SLC25A4: variants seen among roughly 807,000 people sequenced by gnomAD.
SLC25A4 encodes solute carrier family 25 member 4, also known as ADP/ATP translocase 1.
Under a neutral mutation model 24.7 loss-of-function variants are expected in SLC25A4, and 10 were observed. The ratio of observed to expected loss-of-function variants is 0.41; its 90% confidence interval spans 0.25 to 0.69. SLC25A4 has a LOEUF of 0.69. Among genes scored for constraint, SLC25A4 ranks in the 30% least tolerant of loss-of-function variants. The pLI is 0.35. For synonymous variants in SLC25A4, 125 were observed against 153.3 expected (o/e 0.82, Z 1.36); for missense variants, 273 against 387.6 (o/e 0.70, Z 2.48).
At position 185,147,106 on chromosome 4, in the gene SLC25A4, C is replaced by G. The variant is rs1000660709; in HGVS notation, c.*135C>G. On this transcript the variant is annotated 3_prime_UTR_variant, in exon 4 of 4. Coordinates refer to ENST00000281456, the MANE Select transcript of SLC25A4 (RefSeq NM_001151.4). Reference sequence around the variant, plus strand: ...TAAAACCAGACTGAAAGGAATACCTCAGAAGAGATGCTTCATTGAGTGTTC... The same window carrying G: ...TAAAACCAGACTGAAAGGAATACCTGAGAAGAGATGCTTCATTGAGTGTTC... 5 of 713,702 alleles carry G rather than the reference C, an allele frequency of 7.0e-6. No individual in the cohort carries two copies. The South Asian group carries it at 8.9e-5, about 13-fold the overall frequency. The allele number at this position is 713,702 out of a possible 1,614,324, so 44.2% of individuals were successfully genotyped here. A position where few individuals can be genotyped will look rare whatever the true frequency, so the allele number is the denominator to read the frequency against.
Position 185,148,224 on chromosome 4 carries a change from G to C in SLC25A4, c.*1253G>C, listed in dbSNP as rs1734478142. On this transcript the variant is annotated 3_prime_UTR_variant, in exon 4 of 4. Coordinates refer to ENST00000281456, the MANE Select transcript of SLC25A4 (RefSeq NM_001151.4). ...GAGCTCTCTGTAGTCCCTTTTATAA[G>C]CTCACTAATCCCATTCATGAGGGCC... is the stretch of plus-strand genomic sequence containing the variant. 6.6e-6 allele frequency: 1 copy of C among 151,990 alleles called. No homozygotes were observed. The highest frequency in any genetic ancestry group is 1.5e-5 in the Non-Finnish European group (1 of 68,010). 9.4% of individuals were successfully genotyped at this position (151,990 alleles called of 1,614,324 possible). A position where few individuals can be genotyped will look rare whatever the true frequency, so the allele number is the denominator to read the frequency against.
At chr4:185,146,396 G>A (rs982967041) in intron 3 of SLC25A4, among the ~76,000 whole-genome samples, 5 of 152,198 alleles carry the variant, frequency 3.3e-5, no homozygotes, top group African/African-American at 1.2e-4. Context: ...TCCAATGTTA[G>A]CAGTTTCGTA....
Position 185,143,387 on chromosome 4 carries a change from T to G in SLC25A4, c.15T>G (p.Ala5=). ...GAGCTGTCACCATGGGTGATCACGC[T>G]TGGAGCTTCCTAAAGGACTTCCTGG... MGDH[A]WSFLKDFLAG... The change falls in exon 1 of 4, where the codon GCT becomes GCG. Residue 5 remains alanine (A), a synonymous_variant. Coordinates refer to ENST00000281456, the MANE Select transcript of SLC25A4 (RefSeq NM_001151.4). 6.5e-7 allele frequency: 1 copy of G among 1,529,456 alleles called. No homozygotes were observed. The highest frequency in any genetic ancestry group is 2.0e-5 in the Admixed American group (1 of 49,238). The allele number at this position is 1,529,456 out of a possible 1,614,324, so 94.7% of individuals were successfully genotyped here.
At position 185,146,826 on chromosome 4, in the gene SLC25A4, A is replaced by G. The variant is rs1734450066; in HGVS notation, c.752A>G (p.Tyr251Cys). 6.2e-7 allele frequency: 1 copy of G among 1,614,228 alleles called. No individual in the cohort carries two copies. The highest frequency in any genetic ancestry group is 8.5e-7 in the Non-Finnish European group (1 of 1,180,034). ...TTTGTTTCCACAGCCGATATTATGT[A>G]CACGGGGACAGTTGACTGCTGGAGG... ...QSGRKGADIMYTGTVDCWRKI... is the reference protein window; with the variant it reads ...QSGRKGADIMCTGTVDCWRKI... The change falls in exon 4 of 4, where the codon TAC becomes TGC. Residue 251 changes from tyrosine to cysteine, a missense_variant. Physicochemically the swap from Tyr to Cys is radical, Grantham distance 194 (BLOSUM62 -2). Transcript: ENST00000281456.
Position 185,144,934 on chromosome 4 carries a change from G to A in SLC25A4, c.282G>A (p.Lys94=). The change falls in exon 2 of 4, where the codon AAG becomes AAA. Residue 94 remains lysine, a synonymous_variant. Coordinates refer to ENST00000281456, the MANE Select transcript of SLC25A4 (RefSeq NM_001151.4). ...TQALNFAFKD[K]YKQLFLGGVD... ...CTCTCAACTTCGCCTTCAAGGACAAGTACAAGCAGCTCTTCTTAGGGGGTG... is the reference window on the plus strand; with the variant it reads ...CTCTCAACTTCGCCTTCAAGGACAAATACAAGCAGCTCTTCTTAGGGGGTG... The A allele has an allele frequency of 6.2e-7, 1 of 1,614,238 alleles. No individual in the cohort carries two copies.
chr4:185,144,053 A>G (rs1560841349), intron 1 of SLC25A4, among the ~76,000 whole-genome samples: 1 of 152,090 alleles, frequency 6.6e-6, no homozygotes, highest in South Asian at 2.1e-4. Context: ...CCTGTCTCCA[A>G]ATCTTTTCCT....
In SLC25A4 at chr4:185,147,247, AC is replaced by A. The variant is rs1215945498; in HGVS notation, c.*277del. 7 of 365,258 alleles carry A rather than the reference AC, an allele frequency of 1.9e-5. No individual in the cohort carries two copies. Among genetic ancestry groups the A allele is most frequent in the African/African-American group, 1.4e-4 (7 of 48,932 alleles). The allele number at this position is 365,258 out of a possible 1,614,324, so 22.6% of individuals were successfully genotyped here. A position where few individuals can be genotyped will look rare whatever the true frequency, so the allele number is the denominator to read the frequency against. ...AGAATTGATAATAACTGAATGTGAA[AC>A]ATCAATAAAGACCACTTAATGCACG... On this transcript the variant is annotated 3_prime_UTR_variant, in exon 4 of 4. Transcript: ENST00000281456.
intron 3 of SLC25A4, among the ~76,000 whole-genome samples, chr4:185,146,178 C>T (rs1305042847): frequency 1.3e-5 from 2 of 152,110 alleles, no homozygotes; most frequent in African/African-American, 4.8e-5. Flanking sequence ...AGGCCCTCTT[C>T]CCTTAGAGCC....
At position 185,143,327 on chromosome 4, in the gene SLC25A4, G is replaced by A. The variant is rs763271934; in HGVS notation, c.-46G>A. On this transcript the variant is annotated 5_prime_UTR_variant, in exon 1 of 4. Transcript: ENST00000281456. The stretch of plus-strand genomic sequence containing the variant: ...GCGGTGCCAGGCCGGGCGTGGGCGA[G>A]AGCACGAACGGGCTGCCTGCGGGCT... The A allele has an allele frequency of 2.0e-5, 24 of 1,203,652 alleles. No individual in the cohort carries two copies. Among genetic ancestry groups the A allele is most frequent in the Admixed American group, 8.4e-5 (4 of 47,410 alleles). The allele number at this position is 1,203,652 out of a possible 1,614,324, so 74.6% of individuals were successfully genotyped here.
intron 3 of SLC25A4, among the ~76,000 whole-genome samples, 155 bp downstream of exon 3, chr4:185,146,054 C>T (rs1192766019): frequency 6.6e-6 from 1 of 152,114 alleles, no homozygotes; most frequent in African/African-American, 2.4e-5. Context: ...CCCTAACGTT[C>T]TCAACTATCC....
chr4:185,144,984 G>T lies in SLC25A4; in HGVS notation c.332G>T (p.Arg111Leu), dbSNP rs200739996. The T allele has an allele frequency of 3.7e-6, 6 of 1,612,790 alleles. No individual in the cohort carries two copies. Among genetic ancestry groups the T allele is most frequent in the Non-Finnish European group, 5.1e-6 (6 of 1,179,560 alleles). ...GGVDRHKQFW[R>L]YFAGNLASGG... ...GTGGATCGGCATAAGCAGTTCTGGC[G>T]CTACTTTGCTGGTAACCTGGCGTCC... Residue 111 changes from arginine (R) to leucine (L), a missense_variant, in exon 2 of 4, where the codon CGC becomes CTC. Coordinates refer to ENST00000281456, the MANE Select transcript of SLC25A4 (RefSeq NM_001151.4).
rs2111287864 is a variant in SLC25A4, at chr4:185,147,116, G to A, written c.*145G>A. 1 of 659,054 alleles carries A rather than the reference G, an allele frequency of 1.5e-6. No individual in the cohort carries two copies. The highest frequency in any genetic ancestry group is 1.8e-5 in the African/African-American group (1 of 55,114). The allele number at this position is 659,054 out of a possible 1,614,324, so 40.8% of individuals were successfully genotyped here. Reference sequence around the variant, plus strand: ...CTGAAAGGAATACCTCAGAAGAGATGCTTCATTGAGTGTTCATTAAACCAC... The same window carrying A: ...CTGAAAGGAATACCTCAGAAGAGATACTTCATTGAGTGTTCATTAAACCAC... On this transcript the variant is annotated 3_prime_UTR_variant, in exon 4 of 4. Transcript: ENST00000281456.
rs969327998 is a variant in SLC25A4, at chr4:185,149,794, G to C, written c.*2823G>C. 2.0e-5 allele frequency: 3 copies of C among 151,974 alleles called. No individual in the cohort carries two copies. Among genetic ancestry groups the C allele is most frequent in the Admixed American group, 2.0e-4 (3 of 15,272 alleles). The allele number at this position is 151,974 out of a possible 1,614,324, so 9.4% of individuals were successfully genotyped here. A position where few individuals can be genotyped will look rare whatever the true frequency, so the allele number is the denominator to read the frequency against. Reference sequence around the variant, plus strand: ...ACCACCCCCACCCCAATCACCTTTAGGTATTTTCTCCCCTAAAGCCTCACC... The same window carrying C: ...ACCACCCCCACCCCAATCACCTTTACGTATTTTCTCCCCTAAAGCCTCACC... On this transcript the variant is annotated 3_prime_UTR_variant, in exon 4 of 4. Transcript: ENST00000281456.
chr4:185,145,557 T>G lies in SLC25A4; in HGVS notation c.599-202T>G. 1 of 685,564 alleles carries G rather than the reference T, an allele frequency of 1.5e-6. No individual in the cohort carries two copies. Among genetic ancestry groups the G allele is most frequent in the Admixed American group, 2.9e-5 (1 of 34,980 alleles). 42.5% of individuals were successfully genotyped at this position (685,564 alleles called of 1,614,324 possible). ...CACTTCCAATGCCCTGTATACAAGC[T>G]GAGCACTGCCCCTCCGGGGTCCGGA... On this transcript the variant is annotated intron_variant, in intron 2 of 3. Transcript: ENST00000281456. The surrounding 1 kb of genome is among the most constrained non-coding windows in gnomAD (Gnocchi z 5.5).
At chr4:185,146,406 A>G (rs533996857) in intron 3 of SLC25A4, among the ~76,000 whole-genome samples, 1 of 152,340 alleles carries the variant, frequency 6.6e-6, no homozygotes, top group South Asian at 2.1e-4. Flanking sequence ...GCAGTTTCGT[A>G]TGTTTCAACG....
intron 3 of SLC25A4, among the ~76,000 whole-genome samples, chr4:185,146,517 T>C (rs958594447): frequency 6.6e-6 from 1 of 152,190 alleles, no homozygotes; most frequent in Non-Finnish European, 1.5e-5. Flanking sequence ...CCGCGTAGCA[T>C]AATACTCCTG....
In SLC25A4 at chr4:185,143,447, G is replaced by T; in HGVS notation, c.75G>T (p.Ala25=). Residue 25 remains alanine, a synonymous_variant, in exon 1 of 4, where the codon GCG becomes GCT. Coordinates refer to ENST00000281456, the MANE Select transcript of SLC25A4 (RefSeq NM_001151.4). The part of the protein sequence containing the change: ...GGVAAAVSKT[A]VAPIERVKLL... ...TCGCCGCTGCCGTCTCCAAGACCGC[G>T]GTCGCCCCCATCGAGAGGGTCAAAC... is the stretch of plus-strand genomic sequence containing the variant. 3.3e-6 allele frequency: 5 copies of T among 1,508,864 alleles called. No homozygotes were observed. Among genetic ancestry groups the T allele is most frequent in the Non-Finnish European group, 3.6e-6 (4 of 1,125,170 alleles). 93.5% of individuals were successfully genotyped at this position (1,508,864 alleles called of 1,614,324 possible).
In SLC25A4 at chr4:185,145,409, C is replaced by A. The variant is rs1355217797; in HGVS notation, c.598+159C>A. 1.8e-6 allele frequency: 2 copies of A among 1,086,976 alleles called. No homozygotes were observed. Among genetic ancestry groups the A allele is most frequent in the African/African-American group, 1.6e-5 (1 of 63,986 alleles). The allele number at this position is 1,086,976 out of a possible 1,614,324, so 67.3% of individuals were successfully genotyped here. On this transcript the variant is annotated intron_variant, in intron 2 of 3. Coordinates refer to ENST00000281456, the MANE Select transcript of SLC25A4 (RefSeq NM_001151.4). This position sits in a 1 kb window ranked among gnomAD's most constrained non-coding sequence, Gnocchi z 5.5. The stretch of plus-strand genomic sequence containing the variant: ...GGAGGTGATGTGCATAAGTTAATAG[C>A]TGAAGCGTTCCTTGTGTCCTCTACT...
At chr4:185,144,378 T>C (rs1734399090) in intron 1 of SLC25A4, among the ~76,000 whole-genome samples, 1 of 152,194 alleles carries the variant, frequency 6.6e-6, no homozygotes, top group South Asian at 2.1e-4. Context: ...TCATGTCTAT[T>C]AAATCCAAAG....
Sources: gnomAD v4.1 joint callset for allele counts (sites outside exome capture counted in the v4.1 genomes callset) on GRCh38, gnomAD v4.1.1 for gene constraint, Gnocchi (gnomAD v3.1) non-coding constraint, MANE v1.5 for transcripts, NCBI Gene and HGNC (gene_info 2026-07-23, HGNC 2026-07-21) for gene names.